SHISA6: variants seen among roughly 807,000 people sequenced by gnomAD.
The protein encoded by SHISA6 is protein shisa-6.
Under a neutral mutation model 47.9 loss-of-function variants are expected in SHISA6, and 22 were observed. That is an observed-to-expected ratio of 0.46 (90% CI 0.33 to 0.66). SHISA6 has a LOEUF of 0.66. Among genes scored for constraint, SHISA6 ranks in the 30% least tolerant of loss-of-function variants. The pLI is 0.02. For synonymous variants in SHISA6, 388 were observed against 337.8 expected (o/e 1.15, Z -1.63); for missense variants, 680 against 764.6 (o/e 0.89, Z 1.30).
At chr17:11,308,937 T>G (rs1187332683) in intron 2 of SHISA6, among the ~76,000 whole-genome samples, 1 of 152,212 alleles carries the variant, frequency 6.6e-6, no homozygotes, top group Non-Finnish European at 1.5e-5. Context: ...GATTGGGCAC[T>G]GCCAGTGGAG....
At chr17:11,350,182 ATT>A (rs778331945) in intron 2 of SHISA6, among the ~76,000 whole-genome samples, 318 of 116,268 alleles carry the variant, frequency 2.7e-3, no homozygotes, top group Middle Eastern at 0.014. Flanking sequence ...TTATTTATTT[ATT>A]TTTTTTTTTT....
chr17:11,350,190 T>TTATTTATTTA (rs1194463819), intron 2 of SHISA6, among the ~76,000 whole-genome samples: 114 of 113,510 alleles, frequency 1.0e-3, no homozygotes, highest in Non-Finnish European at 1.7e-3. Flanking sequence ...TTATTTTTTT[T>TTATTTATTTA]TTTTTTTGAG....
chr17:11,347,447 T>G (rs1008891322), intron 2 of SHISA6, among the ~76,000 whole-genome samples: 1 of 152,210 alleles, frequency 6.6e-6, no homozygotes, highest in African/African-American at 2.4e-5. Context: ...GAGAACCTTT[T>G]CAATTATACC....
intron 3 of SHISA6, among the ~76,000 whole-genome samples, chr17:11,382,629 A>G (rs1913049940): frequency 6.6e-6 from 1 of 152,202 alleles, no homozygotes; most frequent in African/African-American, 2.4e-5. Flanking sequence ...TTTCAACTTC[A>G]GTGACTCTCT....
At chr17:11,429,735 G>A (rs1914698394) in intron 3 of SHISA6, among the ~76,000 whole-genome samples, 1 of 151,846 alleles carries the variant, frequency 6.6e-6, no homozygotes, top group Non-Finnish European at 1.5e-5. Context: ...AGGTTGCAGT[G>A]AGCTGAGATT....
At chr17:11,377,698 G>A (rs545230168) in intron 2 of SHISA6, among the ~76,000 whole-genome samples, 21 of 152,268 alleles carry the variant, frequency 1.4e-4, no homozygotes, top group South Asian at 1.2e-3. Context: ...AGAGCTGGGC[G>A]CCTAAGAGGT....
intron 3 of SHISA6, among the ~76,000 whole-genome samples, chr17:11,415,640 G>A (rs1194682461): frequency 1.3e-5 from 2 of 152,290 alleles, no homozygotes; most frequent in Admixed American, 6.5e-5. Flanking sequence ...TTATTAATGA[G>A]GTTGTTCATT....
chr17:11,451,481 G>C (rs552039963), intron 3 of SHISA6, among the ~76,000 whole-genome samples: 71 of 152,304 alleles, frequency 4.7e-4, no homozygotes, highest in African/African-American at 1.6e-3. Flanking sequence ...AAATAGTCAA[G>C]TAATTAAGTA....
At chr17:11,360,638 G>A (rs572471976) in intron 2 of SHISA6, among the ~76,000 whole-genome samples, 1 of 152,048 alleles carries the variant, frequency 6.6e-6, no homozygotes, top group Non-Finnish European at 1.5e-5. Context: ...CCGGGGGTAG[G>A]GGGCAAGGGA....
intron 2 of SHISA6, among the ~76,000 whole-genome samples, chr17:11,365,130 CA>C (rs1265096738): frequency 6.6e-6 from 1 of 152,034 alleles, no homozygotes; most frequent in South Asian, 2.1e-4. Context: ...AGCTCTCGCT[CA>C]TAAATACTTA....
Position 11,241,522 on chromosome 17 carries a change from A to G in SHISA6, c.100A>G (p.Thr34Ala). 8.9e-7 allele frequency: 1 copy of G among 1,129,222 alleles called. No individual in the cohort carries two copies. The highest frequency in any genetic ancestry group is 4.8e-5 in the Admixed American group (1 of 20,630). 70.0% of individuals were successfully genotyped at this position (1,129,222 alleles called of 1,614,324 possible). A position where few individuals can be genotyped will look rare whatever the true frequency, so the allele number is the denominator to read the frequency against. Residue 34 changes from threonine (T) to alanine (A), a missense_variant, in exon 1 of 6, where the codon ACC becomes GCC. Thr to Ala is a moderately conservative substitution (Grantham distance 58). Coordinates refer to ENST00000441885, the MANE Select transcript of SHISA6 (RefSeq NM_207386.4). This position sits in a 1 kb window ranked among gnomAD's most constrained non-coding sequence, Gnocchi z 5.5. ...AGCCCGCGGCCGCGCCGCCAACCGG[A>G]CCCTGAGTGCAGGCGGCGCTGCCGT... is the stretch of plus-strand genomic sequence containing the variant. Reference protein sequence around the residue: ...HGARGRAANRTLSAGGAAVGG... With the variant: ...HGARGRAANRALSAGGAAVGG...
chr17:11,347,867 T>C (rs771580464), intron 2 of SHISA6, among the ~76,000 whole-genome samples: 5 of 152,198 alleles, frequency 3.3e-5, no homozygotes, highest in Admixed American at 6.5e-5. Flanking sequence ...CTGGTGCTTA[T>C]GGGTTGTCCC....
In SHISA6 at chr17:11,418,988, G is replaced by A. The variant is rs205042; in HGVS notation, c.895+39479G>A. Among the ~76,000 whole-genome samples the A allele has an allele frequency of 2.5e-3, 372 of 151,782 alleles. 7 individuals carry two copies. The highest frequency in any genetic ancestry group is 3.7e-4 in the Non-Finnish European group (25 of 67,956). On this transcript the variant is annotated intron_variant, in intron 3 of 5. Coordinates refer to ENST00000441885, the MANE Select transcript of SHISA6 (RefSeq NM_207386.4). The stretch of plus-strand genomic sequence containing the variant: ...GTCTGTTCTTTCCACTGGAAGATGA[G>A]AGGCTTCCAGGAAGGTCAAGAATAT...
chr17:11,454,092 C>T (rs1915471089), intron 3 of SHISA6, among the ~76,000 whole-genome samples: 1 of 152,126 alleles, frequency 6.6e-6, no homozygotes, highest in African/African-American at 2.4e-5. Context: ...AACCAATAAG[C>T]TAAACTGTTT....
intron 3 of SHISA6, among the ~76,000 whole-genome samples, chr17:11,448,959 G>A (rs1451035484): frequency 6.6e-6 from 1 of 152,120 alleles, no homozygotes; most frequent in African/African-American, 2.4e-5. Context: ...TACTCCCTAA[G>A]TAAAAGTTTT....
At chr17:11,414,659 G>T (rs1320163542) in intron 3 of SHISA6, among the ~76,000 whole-genome samples, 1 of 152,116 alleles carries the variant, frequency 6.6e-6, no homozygotes, top group Non-Finnish European at 1.5e-5. Flanking sequence ...TCTCCCTTAG[G>T]ATTTTTACTT....
chr17:11,381,087 G>A (rs778804094), intron 3 of SHISA6, among the ~76,000 whole-genome samples: 17 of 152,124 alleles, frequency 1.1e-4, no homozygotes, highest in Non-Finnish European at 2.2e-4. Context: ...GATTGTTGGG[G>A]GCCAATTCGG....
intron 3 of SHISA6, among the ~76,000 whole-genome samples, chr17:11,537,041 T>C (rs1330997182): frequency 6.6e-6 from 1 of 151,842 alleles, no homozygotes; most frequent in Non-Finnish European, 1.5e-5. Context: ...TTTAAGTGAA[T>C]CTGGCAGAAG....
At chr17:11,471,511 C>G (rs1358608712) in intron 3 of SHISA6, among the ~76,000 whole-genome samples, 1 of 152,200 alleles carries the variant, frequency 6.6e-6, no homozygotes, top group Non-Finnish European at 1.5e-5. Flanking sequence ...TTTCTGTTCT[C>G]TGATATGCCC....
Sources: gnomAD v4.1 joint callset for allele counts (sites outside exome capture counted in the v4.1 genomes callset) on GRCh38, gnomAD v4.1.1 for gene constraint, Gnocchi (gnomAD v3.1) non-coding constraint, MANE v1.5 for transcripts, NCBI Gene and HGNC (gene_info 2026-07-23, HGNC 2026-07-21) for gene names.